SLC75A1: variants seen among roughly 807,000 people sequenced by gnomAD.
SLC75A1 encodes the protein solute carrier family 75 member 1, also known as major facilitator superfamily domain containing 10.
At chr4:2,932,236 C>A in the SLC75A1 span, 7 of 1,548,200 alleles carry the variant, frequency 4.5e-6, no homozygotes, top group South Asian at 8.2e-5. Flanking sequence ...GTCCCAACAC[C>A]AAGAGAGCGG....
chr4:2,931,551 C>G, the SLC75A1 span: 2 of 1,610,766 alleles, frequency 1.2e-6, no homozygotes, highest in East Asian at 2.2e-5. Flanking sequence ...AGGGAGCCCC[C>G]TACCCGCTTC....
chr4:2,932,985 T>C, the SLC75A1 span: 5 of 1,073,298 alleles, frequency 4.7e-6, no homozygotes, highest in Non-Finnish European at 6.7e-6. Context: ...CAGGATGCGA[T>C]GAGGGCCAAC....
the SLC75A1 span, chr4:2,931,768 C>T: frequency 6.5e-7 from 1 of 1,547,156 alleles, no homozygotes; most frequent in East Asian, 2.3e-5. Context: ...GGTTGCTTCC[C>T]TGAAGCAGGG....
At chr4:2,933,053 A>G in the SLC75A1 span, 130 of 1,546,248 alleles carry the variant, frequency 8.4e-5, 2 homozygotes, top group South Asian at 8.9e-4. Flanking sequence ...CCATGGGGCT[A>G]CTGGCTGGGT....
the SLC75A1 span, chr4:2,933,517 C>T: frequency 1.9e-6 from 3 of 1,579,800 alleles, no homozygotes; most frequent in African/African-American, 2.7e-5. Flanking sequence ...ACCACGTCCA[C>T]CAAACATAGG....
chr4:2,933,970 T>C, the SLC75A1 span: 92 of 1,528,036 alleles, frequency 6.0e-5, no homozygotes, highest in Non-Finnish European at 8.0e-5. Context: ...CGGGTCGGGT[T>C]AGCGGGGAAG....
the SLC75A1 span, chr4:2,934,308 T>TCCCAAC: frequency 1.3e-4 from 27 of 205,608 alleles, no homozygotes; most frequent in South Asian, 9.8e-4. Context: ...CCGATCCCGA[T>TCCCAAC]CCCAACCCCA....
At chr4:2,934,091 G>T in the SLC75A1 span, 1 of 722,752 alleles carries the variant, frequency 1.4e-6, no homozygotes, top group Non-Finnish European at 2.2e-6. Context: ...TCTGGCCTGC[G>T]CGATGCCCCC....
At chr4:2,934,107 G>A in the SLC75A1 span, 2 of 655,406 alleles carry the variant, frequency 3.1e-6, no homozygotes. Flanking sequence ...CCCCCGCCCC[G>A]AACCCAGGCA....
chr4:2,930,743 C>G, the SLC75A1 span: 1 of 1,420,772 alleles, frequency 7.0e-7, no homozygotes, highest in Non-Finnish European at 9.5e-7. Context: ...CAGGGTCTCC[C>G]TGGACTGGCG....
chr4:2,933,253 A>G, the SLC75A1 span: 1 of 1,584,320 alleles, frequency 6.3e-7, no homozygotes, highest in Admixed American at 1.7e-5. Context: ...TGGCACCATG[A>G]GCTGTGGTCT....
chr4:2,931,072 A>G, the SLC75A1 span: 1 of 1,603,902 alleles, frequency 6.2e-7, no homozygotes, highest in East Asian at 2.3e-5. Context: ...TGAAGCGGCC[A>G]CCAGGGGCCC....
the SLC75A1 span, chr4:2,931,798 G>T: frequency 2.6e-6 from 4 of 1,567,422 alleles, no homozygotes; most frequent in Non-Finnish European, 3.5e-6. Flanking sequence ...CAGGGAGACA[G>T]CAGGCCGTCG....
chr4:2,931,790 G>A, the SLC75A1 span: 5 of 1,560,414 alleles, frequency 3.2e-6, no homozygotes, highest in Non-Finnish European at 4.4e-6. Flanking sequence ...CGTTATTTCA[G>A]GGAGACAGCA....
chr4:2,933,170 C>T, the SLC75A1 span: 1 of 1,613,590 alleles, frequency 6.2e-7, no homozygotes, highest in Admixed American at 1.7e-5. Flanking sequence ...GAGTGGCGCA[C>T]ACAGAAACTG....
At chr4:2,931,425 C>T in the SLC75A1 span, 2 of 1,556,116 alleles carry the variant, frequency 1.3e-6, no homozygotes, top group Non-Finnish European at 1.7e-6. Flanking sequence ...AGAACGTCCC[C>T]AGCCGATGAG....
chr4:2,931,483 A>T, the SLC75A1 span: 30 of 1,583,506 alleles, frequency 1.9e-5, no homozygotes, highest in Non-Finnish European at 2.5e-5. Context: ...TGGGCACGGC[A>T]GCCTCAGCAC....
the SLC75A1 span, chr4:2,932,775 G>A: frequency 1.9e-6 from 3 of 1,542,284 alleles, no homozygotes; most frequent in African/African-American, 2.8e-5. Flanking sequence ...AGGGGCAGGG[G>A]CCAAGAGGCA....
chr4:2,933,940 C>T, the SLC75A1 span: 5 of 1,552,564 alleles, frequency 3.2e-6, no homozygotes, highest in African/African-American at 5.5e-5. Flanking sequence ...CTGCTCTGAC[C>T]TGGCCTGGGT....
Sources: allele counts gnomAD v4.1 joint callset, GRCh38; gene constraint gnomAD v4.1.1; transcripts MANE v1.5; gene names NCBI Gene and HGNC (gene_info 2026-07-23, HGNC 2026-07-21).